PLEKHH1: variants seen among roughly 807,000 people sequenced by gnomAD.
PLEKHH1 encodes pleckstrin homology, MyTH4 and FERM domain containing H1.
In PLEKHH1, 104 loss-of-function variants were observed where a neutral mutation model predicts 160.0. The observed-to-expected ratio is 0.65, with a 90% CI of 0.55 to 0.76. PLEKHH1 has a LOEUF of 0.76. Ranked by LOEUF, PLEKHH1 falls within the 30% of genes least tolerant of loss-of-function variation. PLEKHH1 has a pLI of 0.00. For missense variants in PLEKHH1, 1,427 were observed against 1,724.1 expected, an observed-to-expected ratio of 0.83 and a Z score of 3.05; for synonymous variants, 619 against 678.4, an observed-to-expected ratio of 0.91 and a Z score of 1.36.
chr14:67,554,394 G>A (rs1272917510), intron 2 of PLEKHH1, among the ~76,000 whole-genome samples: 1 of 152,222 alleles, frequency 6.6e-6, no homozygotes, highest in African/African-American at 2.4e-5. Context: ...TTAGAGAGGA[G>A]GTTGGGCTGG....
intron 14 of PLEKHH1, 63 bp from the exon 15 acceptor site, chr14:67,575,329 A>G (rs1056742519): frequency 3.1e-6 from 3 of 967,940 alleles, no homozygotes; most frequent in African/African-American, 1.6e-5. Flanking sequence ...TCTATTTGCC[A>G]GTCCTGGATT....
In PLEKHH1 at chr14:67,589,518, G is replaced by GCTAT; in HGVS notation, c.*2286_*2289dup. 1 of 985,172 alleles carries GCTAT rather than the reference G, an allele frequency of 1.0e-6. No individual in the cohort carries two copies. Among genetic ancestry groups the GCTAT allele is most frequent in the East Asian group, 1.1e-4 (1 of 8,808 alleles). 61.0% of individuals were successfully genotyped at this position (985,172 alleles called of 1,614,324 possible). On this transcript the variant is annotated 3_prime_UTR_variant, in exon 29 of 29. Coordinates refer to ENST00000329153, the MANE Select transcript of PLEKHH1 (RefSeq NM_020715.3). ...TGATCTTGTTTGTCAATAAAAAGCA[G>GCTAT]CTATCTGTGAACCAGGTAACTGTGT...
intron 24 of PLEKHH1, among the ~76,000 whole-genome samples, chr14:67,583,442 A>G (rs2035996753): frequency 6.6e-6 from 1 of 152,200 alleles, no homozygotes; most frequent in Non-Finnish European, 1.5e-5. Flanking sequence ...ACTGGAAGCC[A>G]GAATTTCCAC....
chr14:67,571,753 G>C lies in PLEKHH1; in HGVS notation c.1436G>C (p.Arg479Thr). The change falls in exon 10 of 29, where the codon AGA becomes ACA. Residue 479 changes from arginine to threonine, a missense_variant and splice_region_variant. Arg to Thr is a moderately conservative substitution (Grantham distance 71, BLOSUM62 -1). Around this residue, in one of 6 missense-constraint regions of PLEKHH1, gnomAD observed 831 missense variants for 929.2 expected, o/e 0.89. Coordinates refer to ENST00000329153, the MANE Select transcript of PLEKHH1 (RefSeq NM_020715.3). ...TVPVYTALKG[R>T]ATQISNMPFM... ...GTGAGGGAGGGGCCTGTCTTGCAGAGAGCTACACAGATCAGCAACATGCCC... is the reference window on the plus strand; with the variant it reads ...GTGAGGGAGGGGCCTGTCTTGCAGACAGCTACACAGATCAGCAACATGCCC... 6.2e-7 allele frequency: 1 copy of C among 1,613,878 alleles called. No individual in the cohort carries two copies. The highest frequency in any genetic ancestry group is 8.5e-7 in the Non-Finnish European group (1 of 1,179,794).
chr14:67,562,089 G>T, intron 6 of PLEKHH1, 48 bp from the exon 7 acceptor site: 1 of 1,601,634 alleles, frequency 6.2e-7, no homozygotes, highest in South Asian at 1.1e-5. Context: ...TGGGTATGGG[G>T]CTGAGCTACG....
chr14:67,580,781 G>C (rs1234856289), intron 22 of PLEKHH1, 157 bp from the exon 23 acceptor site: 1 of 589,444 alleles, frequency 1.7e-6, no homozygotes, highest in East Asian at 2.8e-5. Context: ...GCCACCTTGG[G>C]TCCAGGAAGC....
intron 4 of PLEKHH1, 115 bp downstream of exon 4, chr14:67,557,533 C>A: frequency 1.2e-6 from 1 of 868,632 alleles, no homozygotes; most frequent in Non-Finnish European, 1.7e-6. Context: ...TCGCTCCCTC[C>A]TGAGCCTATT....
chr14:67,546,641 C>T (rs1383896172), intron 2 of PLEKHH1, among the ~76,000 whole-genome samples: 3 of 152,220 alleles, frequency 2.0e-5, no homozygotes, highest in African/African-American at 7.2e-5. Context: ...CCACCCGCCT[C>T]AGCCTCCCAA....
At position 67,574,480 on chromosome 14, in the gene PLEKHH1, G is replaced by T. The variant is rs979857492; in HGVS notation, c.2088+77G>T. The T allele has an allele frequency of 1.6e-6, 2 of 1,238,368 alleles. No homozygotes were observed. The highest frequency in any genetic ancestry group is 3.2e-5 in the Admixed American group (1 of 31,068). 76.7% of individuals were successfully genotyped at this position (1,238,368 alleles called of 1,614,324 possible). A position where few individuals can be genotyped will look rare whatever the true frequency, so the allele number is the denominator to read the frequency against. On this transcript the variant is annotated intron_variant, in intron 14 of 28. Transcript: ENST00000329153. This position sits in a 1 kb window ranked among gnomAD's most constrained non-coding sequence, Gnocchi z 4.2. ...GAGCCAGGATTGGGGTGCCGAGGGT[G>T]GTGGGTTCCCCCTTATACGGGGCTC... is the stretch of plus-strand genomic sequence containing the variant.
At chr14:67,579,948 C>A in intron 22 of PLEKHH1, 72 bp downstream of exon 22, 2 of 1,389,892 alleles carry the variant, frequency 1.4e-6, no homozygotes, top group Non-Finnish European at 2.0e-6. Flanking sequence ...AAGAGCCCAT[C>A]TGATGGGTGT....
chr14:67,587,521 ACTGTTACTGAGGGCATCAGTGCT>A lies in PLEKHH1; in HGVS notation c.*287_*309del, dbSNP rs2036227135. On this transcript the variant is annotated 3_prime_UTR_variant, in exon 29 of 29. Transcript: ENST00000329153. ...TTCTAGACATAGACAGGGATGATCC[ACTGTTACTGAGGGCATCAGTGCT>A]ATAAGTTAAGGCTTTCTGCACTGGT... is the stretch of plus-strand genomic sequence containing the variant. 2 of 443,160 alleles carry A rather than the reference ACTGTTACTGAGGGCATCAGTGCT, an allele frequency of 4.5e-6. No homozygotes were observed. The highest frequency in any genetic ancestry group is 4.2e-6 in the Non-Finnish European group (1 of 239,924). The allele number at this position is 443,160 out of a possible 1,614,324, so 27.5% of individuals were successfully genotyped here. A position where few individuals can be genotyped will look rare whatever the true frequency, so the allele number is the denominator to read the frequency against.
At position 67,586,043 on chromosome 14, in the gene PLEKHH1, G is replaced by A. The variant is rs754880079; in HGVS notation, c.3879G>A (p.Lys1293=). Residue 1293 remains lysine (K), a synonymous_variant, in exon 28 of 29, where the codon AAG becomes AAA. Coordinates refer to ENST00000329153, the MANE Select transcript of PLEKHH1 (RefSeq NM_020715.3). ...TTGTGATTAGATCTATCCCAGACAA[G>A]AGCTCTGGAAAAAGCCACATTGAGA... The part of the protein sequence containing the change: ...FMLVIRSIPD[K]SSGKSHIEKL... The A allele has an allele frequency of 1.9e-6, 3 of 1,613,902 alleles. No homozygotes were observed. Among genetic ancestry groups the A allele is most frequent in the South Asian group, 2.2e-5 (2 of 91,076 alleles).
rs117836059 is a variant in PLEKHH1 at position 67,578,396 on chromosome 14, T to C, written c.2752-138T>C. The C allele has an allele frequency of 1.8e-3, 1,421 of 771,536 alleles. 2 individuals carry two copies. The highest frequency in any genetic ancestry group is 2.5e-3 in the Non-Finnish European group (1,169 of 459,762). The allele number at this position is 771,536 out of a possible 1,614,324, so 47.8% of individuals were successfully genotyped here. A position where few individuals can be genotyped will look rare whatever the true frequency, so the allele number is the denominator to read the frequency against. Reference sequence around the variant, plus strand: ...GCATTCTGGACACAGCCTGACCAAGTTGGCCATCCCAGCACCCAGAGCAAG... The same window carrying C: ...GCATTCTGGACACAGCCTGACCAAGCTGGCCATCCCAGCACCCAGAGCAAG... On this transcript the variant is annotated intron_variant, in intron 19 of 28. Coordinates refer to ENST00000329153, the MANE Select transcript of PLEKHH1 (RefSeq NM_020715.3). This position sits in a 1 kb window ranked among gnomAD's most constrained non-coding sequence, Gnocchi z 5.0.
rs748485684 is a variant in PLEKHH1 at position 67,562,290 on chromosome 14, C to G, written c.659C>G (p.Pro220Arg). The change falls in exon 7 of 29, where the codon CCA (proline) becomes CGA (arginine). Residue 220 changes from proline to arginine, a missense_variant. Pro to Arg is a moderately radical substitution (Grantham distance 103). Transcript: ENST00000329153. Reference sequence around the variant, plus strand: ...AAGGCAGCTGTGCTTGCACCTTCCCCAGGTGCCCTGCAGAGCAAGGACTCT... The same window carrying G: ...AAGGCAGCTGTGCTTGCACCTTCCCGAGGTGCCCTGCAGAGCAAGGACTCT... Reference protein sequence around the residue: ...GLKAAVLAPSPGALQSKDSVS... With the variant: ...GLKAAVLAPSRGALQSKDSVS... 2.5e-6 allele frequency: 4 copies of G among 1,613,726 alleles called. No homozygotes were observed. The highest frequency in any genetic ancestry group is 1.3e-5 in the African/African-American group (1 of 74,922).
In PLEKHH1 at chr14:67,559,136, A is replaced by G. The variant is rs1296087404; in HGVS notation, c.340-472A>G. ...CTCCTCTTCAGATGCCAACCTTTTC[A>G]ATCATCTCCTCTTTTGACTACTTTG... On this transcript the variant is annotated intron_variant, in intron 4 of 28. Transcript: ENST00000329153. 2.0e-5 allele frequency among the ~76,000 whole-genome samples: 3 copies of G among 152,202 alleles called. No individual in the cohort carries two copies. The East Asian group carries it at 5.8e-4, about 29-fold the overall frequency.
chr14:67,547,984 C>T (rs1483431206), intron 2 of PLEKHH1, among the ~76,000 whole-genome samples: 1 of 152,182 alleles, frequency 6.6e-6, no homozygotes, highest in Non-Finnish European at 1.5e-5. Flanking sequence ...TGGGCCACCC[C>T]ATTCTGGAGC....
chr14:67,586,098 G>A lies in PLEKHH1; in HGVS notation c.3933+1G>A. The A allele has an allele frequency of 6.2e-7, 1 of 1,613,824 alleles. No individual in the cohort carries two copies. Among genetic ancestry groups the A allele is most frequent in the Non-Finnish European group, 8.5e-7 (1 of 1,179,864 alleles). ...GATCTTCCGGATGGCTGCTCCCAAG[G>A]TAGGTCTGACAGCTGTTAAAACGTT... On this transcript the variant is annotated splice_donor_variant, in intron 28 of 28. Coordinates refer to ENST00000329153, the MANE Select transcript of PLEKHH1 (RefSeq NM_020715.3). LOFTEE classifies it high-confidence loss of function.
chr14:67,542,142 C>G (rs2033992668), intron 2 of PLEKHH1, 149 bp downstream of exon 2: 1 of 756,698 alleles, frequency 1.3e-6, no homozygotes, highest in African/African-American at 1.8e-5. Flanking sequence ...AGTTTAAGAC[C>G]AAAGTCCGAG....
At chr14:67,571,973 A>AGTGCC in intron 10 of PLEKHH1, 71 bp downstream of exon 10, 2 of 1,523,386 alleles carry the variant, frequency 1.3e-6, no homozygotes, top group African/African-American at 1.4e-5. Context: ...GGGCACTTGA[A>AGTGCC]CATGGGCGTC....
Sources: allele counts gnomAD v4.1 joint callset (sites outside exome capture counted in the v4.1 genomes callset), GRCh38; gene constraint gnomAD v4.1.1; regional missense constraint gnomAD v4.1.1; non-coding constraint Gnocchi (gnomAD v3.1); transcripts MANE v1.5; gene names NCBI Gene and HGNC (gene_info 2026-07-23, HGNC 2026-07-21).